The following NRG3 variants were observed in gnomAD, a reference collection of about 807,000 sequenced individuals.
NRG3 encodes neuregulin 3.
NRG3 carries 31 observed loss-of-function variants against 66.9 expected under a neutral mutation model. The ratio of observed to expected loss-of-function variants is 0.46; its 90% CI spans 0.35 to 0.63. NRG3 has a LOEUF of 0.63. NRG3 is among the 20% of genes least tolerant of loss of function. NRG3 has a pLI of 0.00. For missense variants in NRG3, 910 were observed against 878.9 expected (o/e 1.04, Z -0.45); for synonymous variants, 393 against 359.4 (o/e 1.09, Z -1.06).
At chr10:82,558,542 G>A (rs752833363) in intron 2 of NRG3, among the ~76,000 whole-genome samples, 1 of 152,128 alleles carries the variant, frequency 6.6e-6, no homozygotes, top group Non-Finnish European at 1.5e-5. Flanking sequence ...AACTGAGGGG[G>A]TTCCTCGATT....
chr10:82,200,903 A>G (rs1046879092), intron 1 of NRG3, among the ~76,000 whole-genome samples: 1 of 152,056 alleles, frequency 6.6e-6, no homozygotes, highest in Non-Finnish European at 1.5e-5. Flanking sequence ...AATTAAACAT[A>G]AAGAGACAGC....
chr10:82,954,393 T>G (rs1190061763), intron 5 of NRG3, among the ~76,000 whole-genome samples: 2 of 151,722 alleles, frequency 1.3e-5, no homozygotes, highest in Non-Finnish European at 1.5e-5. Context: ...GATCAACATC[T>G]CCTCCTGGGA....
chr10:82,039,130 C>G (rs1411266483), intron 1 of NRG3, among the ~76,000 whole-genome samples: 3 of 152,110 alleles, frequency 2.0e-5, no homozygotes, highest in Non-Finnish European at 4.4e-5. Context: ...GCAGCTTAAA[C>G]TCCTGGAAAA....
chr10:82,095,672 G>A (rs1229251379), intron 1 of NRG3, among the ~76,000 whole-genome samples: 1 of 152,194 alleles, frequency 6.6e-6, no homozygotes, highest in African/African-American at 2.4e-5. Context: ...GTGGGAAACA[G>A]GAACCAGAGG....
intron 2 of NRG3, among the ~76,000 whole-genome samples, chr10:82,641,564 T>C (rs1001708817): frequency 6.6e-6 from 1 of 152,066 alleles, no homozygotes; most frequent in African/African-American, 2.4e-5. Context: ...TAACAGATAG[T>C]AAGAAAAGTA....
intron 3 of NRG3, among the ~76,000 whole-genome samples, chr10:82,756,269 CT>C (rs1297916703): frequency 1.3e-5 from 2 of 152,132 alleles, no homozygotes; most frequent in African/African-American, 4.8e-5. Flanking sequence ...GAACTCCCTT[CT>C]CTTTGACAGA....
At chr10:82,002,001 T>C (rs980428927) in intron 1 of NRG3, among the ~76,000 whole-genome samples, 6 of 152,164 alleles carry the variant, frequency 3.9e-5, no homozygotes, top group Admixed American at 1.3e-4. Context: ...ATTGAACCCA[T>C]ACATATAGTA....
chr10:81,994,040 G>A (rs961209841), intron 1 of NRG3, among the ~76,000 whole-genome samples: 1 of 152,156 alleles, frequency 6.6e-6, no homozygotes, highest in African/African-American at 2.4e-5. Context: ...CCAAACGTAC[G>A]AAAAATGTAA....
chr10:82,502,692 C>T (rs531486110), intron 2 of NRG3, among the ~76,000 whole-genome samples: 1 of 152,210 alleles, frequency 6.6e-6, no homozygotes, highest in Admixed American at 6.5e-5. Context: ...TCAGTTTCCT[C>T]CTATATTAAT....
rs561892848 is a variant in NRG3 at position 82,669,181 on chromosome 10, G to A, written c.954-69396G>A. Among the ~76,000 whole-genome samples, 7 of 151,840 alleles carry A rather than the reference G, an allele frequency of 4.6e-5. No homozygotes were observed. The South Asian group carries it at 1.5e-3, about 32-fold the overall frequency. On this transcript the variant is annotated intron_variant, in intron 2 of 8. Transcript: ENST00000372141. ...GCCATCCTATAAATATGAAGGAGCA[G>A]TTAGGGAGTTTCAGTAATAAGCAAA...
At chr10:82,190,678 G>C (rs1307482466) in intron 1 of NRG3, among the ~76,000 whole-genome samples, 2 of 152,088 alleles carry the variant, frequency 1.3e-5, no homozygotes, top group African/African-American at 4.8e-5. Flanking sequence ...TGTGCCTCTG[G>C]GCCAGTGAGG....
At chr10:82,758,317 G>A (rs2059160608) in intron 3 of NRG3, among the ~76,000 whole-genome samples, 2 of 151,932 alleles carry the variant, frequency 1.3e-5, no homozygotes, top group Non-Finnish European at 2.9e-5. Flanking sequence ...GAGCATTTTA[G>A]GACTTAAAAT....
At chr10:82,147,961 G>A (rs1239984244) in intron 1 of NRG3, among the ~76,000 whole-genome samples, 6 of 152,280 alleles carry the variant, frequency 3.9e-5, no homozygotes, top group South Asian at 4.1e-4. Flanking sequence ...TGGGAAAAGC[G>A]TTTTAAAAGA....
chr10:82,594,962 C>A (rs624551), intron 2 of NRG3, among the ~76,000 whole-genome samples: 12,854 of 151,540 alleles, frequency 0.085, 623 homozygotes, highest in East Asian at 0.15. Flanking sequence ...ATTTATTTTT[C>A]TTTTTTTCAT....
intron 1 of NRG3, among the ~76,000 whole-genome samples, chr10:82,351,925 C>G (rs1253466287): frequency 6.6e-6 from 1 of 152,228 alleles, no homozygotes; most frequent in African/African-American, 2.4e-5. Flanking sequence ...GTAGGCCACT[C>G]AGTTAGCAAT....
At chr10:82,942,061 A>G (rs1191551268) in intron 4 of NRG3, among the ~76,000 whole-genome samples, 1 of 151,784 alleles carries the variant, frequency 6.6e-6, no homozygotes, top group African/African-American at 2.4e-5. Flanking sequence ...CAGCACATTT[A>G]TGGACATCAT....
intron 1 of NRG3, chr10:81,889,749 A>G (rs994195538): frequency 2.0e-5 from 3 of 152,182 alleles, no homozygotes; most frequent in Non-Finnish European, 4.4e-5. Flanking sequence ...TAGTTTATCT[A>G]TTTTATTGAC....
At chr10:82,192,285 C>T (rs2074190824) in intron 1 of NRG3, among the ~76,000 whole-genome samples, 1 of 152,180 alleles carries the variant, frequency 6.6e-6, no homozygotes, top group South Asian at 2.1e-4. Context: ...GGAAATTATA[C>T]AATAAATATA....
chr10:82,716,259 T>C (rs2056965634), intron 2 of NRG3, among the ~76,000 whole-genome samples: 1 of 152,168 alleles, frequency 6.6e-6, no homozygotes, highest in Non-Finnish European at 1.5e-5. Flanking sequence ...GTTTTTTAAT[T>C]GGGTTGGGTT....
Sources: gnomAD v4.1 joint callset for allele counts (sites outside exome capture counted in the v4.1 genomes callset) on GRCh38, gnomAD v4.1.1 for gene constraint, MANE v1.5 for transcripts, NCBI Gene and HGNC (gene_info 2026-07-23, HGNC 2026-07-21) for gene names.